Variants in NGEF observed in about 807,000 individuals in gnomAD.
NGEF encodes ephexin-1.
A neutral mutation model predicts 80.9 loss-of-function variants in NGEF; 31 were observed. That is an observed-to-expected ratio of 0.38 (90% CI 0.29 to 0.52). NGEF has a LOEUF of 0.52. NGEF is among the 20% of genes least tolerant of loss of function. The pLI, the probability that NGEF is intolerant of heterozygous loss-of-function variation, is 0.84. For missense variants in NGEF, 709 were observed against 926.2 expected, an observed-to-expected ratio of 0.77 and a Z score of 3.04; for synonymous variants, 371 against 370.2, an observed-to-expected ratio of 1.00 and a Z score of -0.03.
intron 5 of NGEF, among the ~76,000 whole-genome samples, chr2:232,915,249 G>GA (rs1692773657): frequency 6.6e-6 from 1 of 152,000 alleles, no homozygotes; most frequent in Non-Finnish European, 1.5e-5. Context: ...TATTTTCCTA[G>GA]AAAATCATTC....
chr2:233,007,416 T>G (rs1325680910), intron 1 of NGEF, among the ~76,000 whole-genome samples: 1 of 152,182 alleles, frequency 6.6e-6, no homozygotes, highest in Non-Finnish European at 1.5e-5. Context: ...GGTAGCTCTG[T>G]GTCTGAGCCC....
intron 2 of NGEF, among the ~76,000 whole-genome samples, chr2:232,971,053 TCC>T (rs777601704): frequency 2.8e-3 from 387 of 138,326 alleles, no homozygotes; most frequent in Non-Finnish European, 3.9e-3. Flanking sequence ...CCAGTTAGCC[TCC>T]CCCAGAAAGT....
At chr2:232,885,099 C>G in intron 10 of NGEF, 181 bp downstream of exon 10, 1 of 602,924 alleles carries the variant, frequency 1.7e-6, no homozygotes, top group South Asian at 1.9e-5. Flanking sequence ...GTGGTGGTGT[C>G]TGACGCCTGG....
chr2:232,971,969 C>A (rs981559113), intron 2 of NGEF, among the ~76,000 whole-genome samples: 1 of 152,216 alleles, frequency 6.6e-6, no homozygotes, highest in African/African-American at 2.4e-5. Flanking sequence ...CAGTGCCCTA[C>A]CCCTGCCCTG....
At position 233,005,080 on chromosome 2, in the gene NGEF, C is replaced by T. The variant is rs1389930824; in HGVS notation, c.-75+7988G>A. Among the ~76,000 whole-genome samples the T allele has an allele frequency of 2.6e-5, 4 of 152,322 alleles. No individual in the cohort carries two copies. In the South Asian group the frequency reaches 6.2e-4, roughly 24 times the overall value. On this transcript the variant is annotated intron_variant, in intron 1 of 14. Transcript: ENST00000264051. ...TGCTAACCTATCACAGCACACTTTC[C>T]CTTCCAACCTAGATTGGGTCTCGTT...
intron 3 of NGEF, among the ~76,000 whole-genome samples, chr2:232,948,120 A>G (rs1693597677): frequency 6.6e-6 from 1 of 150,386 alleles, no homozygotes; most frequent in African/African-American, 2.5e-5. Flanking sequence ...ATTGGGGGCC[A>G]TGGGGTCATT....
chr2:232,988,076 TGTGTGTGA>T (rs1243483036), intron 1 of NGEF, among the ~76,000 whole-genome samples: 1 of 149,936 alleles, frequency 6.7e-6, no homozygotes, highest in African/African-American at 2.5e-5. Flanking sequence ...TGTGTGTGTG[TGTGTGTGA>T]GTGACAATCT....
chr2:232,927,154 G>T lies in NGEF; in HGVS notation c.416C>A (p.Thr139Lys), dbSNP rs145839519. ...ESSSTPGNGATPEEWPALADS... is the reference protein window; with the variant it reads ...ESSSTPGNGAKPEEWPALADS... ...GGCCAGGGCCGGCCACTCCTCGGGC[G>T]TGGCCCCATTTCCCGGGGTGGAGGA... Residue 139 changes from threonine (T) to lysine (K), a missense_variant, in exon 4 of 15, where the codon ACG becomes AAG. Thr to Lys is a moderately conservative substitution (Grantham distance 78). Transcript: ENST00000264051. The T allele has an allele frequency of 1.9e-6, 3 of 1,603,388 alleles. No individual in the cohort carries two copies. The African/African-American group carries it at 4.0e-5, about 22-fold the overall frequency.
rs548515785 is a variant in NGEF at position 232,949,241 on chromosome 2, C to T, written c.383+20973G>A. 1.1e-4 allele frequency among the ~76,000 whole-genome samples: 17 copies of T among 152,242 alleles called. 3 individuals are homozygous for T. Among genetic ancestry groups the T allele is most frequent in the Admixed American group, 9.2e-4 (14 of 15,290 alleles). On this transcript the variant is annotated intron_variant, in intron 3 of 14. Transcript: ENST00000264051. ...GTCCCTTTTGTTCACTGCTAAATCC[C>T]CAGTACCTAAAACAAAGCCTGGATC...
intron 3 of NGEF, among the ~76,000 whole-genome samples, chr2:232,934,068 CCT>C (rs1183255400): frequency 3.9e-5 from 6 of 151,910 alleles, no homozygotes; most frequent in Non-Finnish European, 7.4e-5. Flanking sequence ...ATGGTGAAAC[CCT>C]GTCTCTAGTA....
At chr2:232,968,129 C>T (rs928271977) in intron 3 of NGEF, among the ~76,000 whole-genome samples, 11 of 132,362 alleles carry the variant, frequency 8.3e-5, no homozygotes, top group Non-Finnish European at 1.3e-4. Flanking sequence ...GCTCTTGTTG[C>T]CCAGGCTGGA....
chr2:232,909,628 C>T (rs1156445154), intron 5 of NGEF, among the ~76,000 whole-genome samples: 1 of 152,054 alleles, frequency 6.6e-6, no homozygotes, highest in Non-Finnish European at 1.5e-5. Flanking sequence ...TGAATTCTAA[C>T]GTATCTGCAG....
chr2:232,968,165 C>G (rs1379978037), intron 3 of NGEF, among the ~76,000 whole-genome samples: 2 of 147,096 alleles, frequency 1.4e-5, no homozygotes, highest in Admixed American at 6.9e-5. Context: ...CTCTGCTTAC[C>G]GCAATCTCTG....
intron 3 of NGEF, among the ~76,000 whole-genome samples, chr2:232,967,934 T>C (rs927886684): frequency 1.3e-5 from 2 of 152,130 alleles, no homozygotes; most frequent in Non-Finnish European, 2.9e-5. Context: ...GGGCTGGGCA[T>C]TAGGTTTTGC....
At chr2:232,987,155 T>C (rs911376151) in intron 1 of NGEF, among the ~76,000 whole-genome samples, 2 of 152,170 alleles carry the variant, frequency 1.3e-5, no homozygotes, top group African/African-American at 4.8e-5. Flanking sequence ...TAGCTGGGAT[T>C]ACAGGCACGT....
At chr2:232,948,148 TG>T (rs1693599324) in intron 3 of NGEF, among the ~76,000 whole-genome samples, 1 of 3,556 alleles carries the variant, frequency 2.8e-4, no homozygotes. Flanking sequence ...AGCCTGGAGA[TG>T]TGTGTGTGTG....
intron 3 of NGEF, among the ~76,000 whole-genome samples, chr2:232,964,080 C>T (rs930080588): frequency 6.6e-5 from 10 of 152,182 alleles, no homozygotes; most frequent in East Asian, 1.9e-4. Context: ...TTACAAAGAC[C>T]GACAATTCCA....
In NGEF at chr2:232,974,913, C is replaced by A. The variant is rs370420675; in HGVS notation, c.-23G>T. 5 of 1,606,624 alleles carry A rather than the reference C, an allele frequency of 3.1e-6. No homozygotes were observed. In the East Asian group the frequency reaches 8.9e-5, roughly 29 times the overall value. On this transcript the variant is annotated 5_prime_UTR_variant, in exon 2 of 15. An upstream open reading frame in the 5' UTR loses its in-frame stop. Transcript: ENST00000264051. ...CATGGAAATAGAGCCAGATGTTTCT[C>A]AGCAGAACGACTGGAGGTCAATGAC...
intron 3 of NGEF, among the ~76,000 whole-genome samples, chr2:232,955,938 G>T (rs563393876): frequency 0.012 from 1,835 of 152,270 alleles, 24 homozygotes; most frequent in African/African-American, 0.027. Context: ...TTTGCATCTT[G>T]GGCTGGCTAC....
Sources: gnomAD v4.1 joint callset for allele counts (sites outside exome capture counted in the v4.1 genomes callset) on GRCh38, gnomAD v4.1.1 for gene constraint, MANE v1.5 for transcripts, NCBI Gene and HGNC (gene_info 2026-07-23, HGNC 2026-07-21) for gene names.